Variants in PRKG1 observed in about 807,000 individuals in gnomAD.
The protein encoded by PRKG1 is cGMP-dependent protein kinase 1.
Under a neutral mutation model 88.1 loss-of-function variants are expected in PRKG1, and 35 were observed. That is an observed-to-expected ratio of 0.40 (90% CI 0.30 to 0.53). The LOEUF (loss-of-function observed/expected upper bound fraction) is 0.53, where lower values mean the gene tolerates loss of function less well. PRKG1 is among the 20% of genes least tolerant of loss of function. The pLI, the probability that PRKG1 is intolerant of heterozygous loss-of-function variation, is 0.59. For synonymous variants in PRKG1, 303 were observed against 292.5 expected (o/e 1.04, Z -0.37); for missense variants, 540 against 839.8 (o/e 0.64, Z 4.41).
rs1490743515 is a variant in PRKG1 at position 51,620,361 on chromosome 10, TC to T, written c.592+152526del. 1.2e-3 allele frequency among the ~76,000 whole-genome samples: 189 copies of T among 152,240 alleles called. 1 individual carries two copies. Among genetic ancestry groups the T allele is most frequent in the Middle Eastern group, 6.8e-3 (2 of 294 alleles). Reference sequence around the variant, plus strand: ...TATAAGTTCTGTGGTCATTTGGCTCTCTATTCACCCTAGACACTAAAGATAC... The same window carrying T: ...TATAAGTTCTGTGGTCATTTGGCTCTTATTCACCCTAGACACTAAAGATAC... On this transcript the variant is annotated intron_variant, in intron 3 of 17. Coordinates refer to ENST00000373980, the MANE Select transcript of PRKG1 (RefSeq NM_006258.4).
chr10:51,445,204 A>G (rs1839235972), intron 2 of PRKG1, among the ~76,000 whole-genome samples: 1 of 151,916 alleles, frequency 6.6e-6, no homozygotes, highest in African/African-American at 2.4e-5. Flanking sequence ...GCACAACATA[A>G]AGGAAACAAA....
At chr10:51,316,685 A>AAAT (rs1841329395) in intron 2 of PRKG1, among the ~76,000 whole-genome samples, 4 of 151,014 alleles carry the variant, frequency 2.6e-5, no homozygotes, top group Admixed American at 6.6e-5. Context: ...TCCGTCTCAA[A>AAAT]AAATAAATAA....
chr10:51,626,836 C>A (rs868713877), intron 3 of PRKG1, among the ~76,000 whole-genome samples: 1 of 152,074 alleles, frequency 6.6e-6, no homozygotes. Flanking sequence ...AGTACCTATG[C>A]GGGAGTTTGA....
At chr10:52,168,840 GA>G (rs1434639687) in intron 9 of PRKG1, among the ~76,000 whole-genome samples, 4 of 152,104 alleles carry the variant, frequency 2.6e-5, no homozygotes, top group African/African-American at 4.8e-5. Context: ...GGAGAGAAGT[GA>G]CAGAATTCAC....
chr10:51,294,244 T>C (rs1272091440), intron 2 of PRKG1, among the ~76,000 whole-genome samples: 1 of 152,182 alleles, frequency 6.6e-6, no homozygotes, highest in Non-Finnish European at 1.5e-5. Flanking sequence ...TGTATATTAT[T>C]ACTTTTTTTC....
intron 3 of PRKG1, among the ~76,000 whole-genome samples, chr10:51,726,996 G>C (rs996476970): frequency 1.3e-5 from 2 of 151,890 alleles, no homozygotes; most frequent in Non-Finnish European, 2.9e-5. Flanking sequence ...AGCCAAGCTG[G>C]TCTCGATTTC....
At chr10:51,136,129 A>T (rs1319783292) in intron 1 of PRKG1, among the ~76,000 whole-genome samples, 4 of 151,962 alleles carry the variant, frequency 2.6e-5, no homozygotes, top group Non-Finnish European at 5.9e-5. Flanking sequence ...ATAATAAAAT[A>T]AAAAAAATGA....
At chr10:51,445,263 C>T (rs1839237469) in intron 2 of PRKG1, among the ~76,000 whole-genome samples, 2 of 151,860 alleles carry the variant, frequency 1.3e-5, no homozygotes, top group South Asian at 2.1e-4. Flanking sequence ...TGTTGTTCAT[C>T]ATTATAATAA....
chr10:52,229,559 G>C (rs909896795), intron 9 of PRKG1, among the ~76,000 whole-genome samples: 12 of 152,168 alleles, frequency 7.9e-5, no homozygotes, highest in Non-Finnish European at 7.3e-5. Context: ...TTTGGCAACA[G>C]TTGGTCCTCA....
intron 2 of PRKG1, among the ~76,000 whole-genome samples, chr10:51,425,674 A>G (rs1053727169): frequency 2.0e-5 from 3 of 152,180 alleles, no homozygotes; most frequent in Non-Finnish European, 4.4e-5. Flanking sequence ...GGCCTTGGCT[A>G]GTTTCAGCTT....
intron 9 of PRKG1, among the ~76,000 whole-genome samples, chr10:52,234,556 A>G (rs1308183454): frequency 6.7e-6 from 1 of 148,824 alleles, no homozygotes; most frequent in Non-Finnish European, 1.5e-5. Context: ...ACTGGAAGAA[A>G]GGGTATCAGC....
chr10:51,495,372 G>C (rs1840823703), intron 3 of PRKG1, among the ~76,000 whole-genome samples: 1 of 152,194 alleles, frequency 6.6e-6, no homozygotes, highest in African/African-American at 2.4e-5. Context: ...TGGGATTGCA[G>C]GCGTGAGCCA....
intron 2 of PRKG1, among the ~76,000 whole-genome samples, chr10:51,281,314 C>T (rs1840288718): frequency 6.6e-6 from 1 of 152,104 alleles, no homozygotes; most frequent in Non-Finnish European, 1.5e-5. Flanking sequence ...GGGTCAGGGA[C>T]CCAGTTGAGG....
intron 5 of PRKG1, among the ~76,000 whole-genome samples, chr10:51,930,054 A>G (rs1842656504): frequency 6.6e-6 from 1 of 152,134 alleles, no homozygotes; most frequent in South Asian, 2.1e-4. Flanking sequence ...CCCAAAGTTC[A>G]CTCCATGTGG....
At chr10:51,569,746 C>G (rs193290305) in intron 3 of PRKG1, among the ~76,000 whole-genome samples, 4 of 151,868 alleles carry the variant, frequency 2.6e-5, no homozygotes, top group African/African-American at 7.3e-5. Flanking sequence ...TTGGGTAAAC[C>G]ATGTCATTCT....
At chr10:51,030,025 C>A (rs976939709) in intron 1 of PRKG1, among the ~76,000 whole-genome samples, 15 of 152,030 alleles carry the variant, frequency 9.9e-5, no homozygotes, top group Non-Finnish European at 2.9e-5. Flanking sequence ...GAGAAAATAG[C>A]AAACAACTAT....
chr10:51,067,242 CTGTGTTTG>C (rs1843762671), intron 1 of PRKG1, among the ~76,000 whole-genome samples: 1 of 142,892 alleles, frequency 7.0e-6, no homozygotes, highest in Admixed American at 7.1e-5. Context: ...CTTTAATTAT[CTGTGTTTG>C]TGTGTTTGTA....
chr10:50,993,898 G>A (rs1202415738), intron 1 of PRKG1, among the ~76,000 whole-genome samples: 1 of 152,220 alleles, frequency 6.6e-6, no homozygotes, highest in Non-Finnish European at 1.5e-5. Flanking sequence ...TCCTTCTTCT[G>A]TCCTTCTCTC....
chr10:51,014,891 TA>T (rs1843038296), intron 1 of PRKG1, among the ~76,000 whole-genome samples: 1 of 152,196 alleles, frequency 6.6e-6, no homozygotes, highest in Non-Finnish European at 1.5e-5. Context: ...TGGCTAAAAA[TA>T]AACAAAGACT....
Sources: gnomAD v4.1 joint callset for allele counts (sites outside exome capture counted in the v4.1 genomes callset) on GRCh38, gnomAD v4.1.1 for gene constraint, MANE v1.5 for transcripts, NCBI Gene and HGNC (gene_info 2026-07-23, HGNC 2026-07-21) for gene names.